Variants in GLCCI1 observed in about 807,000 individuals in gnomAD.
GLCCI1 encodes the protein glucocorticoid induced 1.
Under a neutral mutation model 52.2 loss-of-function variants are expected in GLCCI1, and 24 were observed. The ratio of observed to expected loss-of-function variants is 0.46; its 90% CI spans 0.33 to 0.65. The LOEUF is 0.65. Among genes scored for constraint, GLCCI1 ranks in the 30% least tolerant of loss-of-function variants. GLCCI1 has a pLI of 0.02. For synonymous variants in GLCCI1, 310 were observed against 276.5 expected, an observed-to-expected ratio of 1.12 and a Z score of -1.20; for missense variants, 704 against 701.5, an observed-to-expected ratio of 1.00 and a Z score of -0.04.
chr7:8,064,538 C>T (rs1173384121), intron 5 of GLCCI1, among the ~76,000 whole-genome samples: 1 of 152,082 alleles, frequency 6.6e-6, no homozygotes, highest in Non-Finnish European at 1.5e-5. Context: ...TCATGTGATG[C>T]CTCTAGCTGT....
chr7:7,986,787 A>G (rs764687769), intron 1 of GLCCI1, among the ~76,000 whole-genome samples: 1 of 152,166 alleles, frequency 6.6e-6, no homozygotes, highest in Non-Finnish European at 1.5e-5. Context: ...TATGGTTAAG[A>G]GATATTCAGA....
intron 2 of GLCCI1, among the ~76,000 whole-genome samples, chr7:8,022,111 T>A (rs116360050): frequency 0.021 from 3,153 of 152,310 alleles, 110 homozygotes; most frequent in African/African-American, 0.071. Flanking sequence ...GAGATACTTT[T>A]GTTCATTTTA....
At chr7:7,974,373 T>C (rs1039885533) in intron 1 of GLCCI1, among the ~76,000 whole-genome samples, 1 of 152,162 alleles carries the variant, frequency 6.6e-6, no homozygotes, top group Non-Finnish European at 1.5e-5. Flanking sequence ...TCTTAATCAG[T>C]TTTTAACTGT....
chr7:8,048,334 T>C (rs1470128471), intron 3 of GLCCI1, among the ~76,000 whole-genome samples: 2 of 152,104 alleles, frequency 1.3e-5, no homozygotes, highest in Non-Finnish European at 1.5e-5. Flanking sequence ...GTGGCCCTCT[T>C]AAGAAGGACC....
chr7:8,078,295 T>C (rs186581784), intron 6 of GLCCI1, among the ~76,000 whole-genome samples: 1 of 151,878 alleles, frequency 6.6e-6, no homozygotes, highest in East Asian at 1.9e-4. Context: ...GGAAAGATCT[T>C]TTGTCAGCTA....
intron 3 of GLCCI1, chr7:8,024,707 TTCC>T (rs1444849486): frequency 6.6e-6 from 1 of 152,252 alleles, no homozygotes; most frequent in Non-Finnish European, 1.5e-5. Flanking sequence ...TTTGATTGTT[TTCC>T]ACAGAAGGCA....
At chr7:7,981,101 A>G in intron 1 of GLCCI1, 1 of 467,548 alleles carries the variant, frequency 2.1e-6, no homozygotes, top group South Asian at 1.6e-5. Flanking sequence ...GCAGATATTA[A>G]ACCTCCGGAA....
intron 3 of GLCCI1, among the ~76,000 whole-genome samples, chr7:8,043,265 C>G (rs1782042897): frequency 6.6e-6 from 1 of 150,778 alleles, no homozygotes; most frequent in Non-Finnish European, 1.5e-5. Flanking sequence ...TTTTTTATTT[C>G]TTGTGGTGGT....
intron 3 of GLCCI1, among the ~76,000 whole-genome samples, chr7:8,024,245 T>TA (rs1781565441): frequency 6.6e-6 from 1 of 152,228 alleles, no homozygotes; most frequent in Non-Finnish European, 1.5e-5. Context: ...AGCATGATTT[T>TA]ACTTATGATT....
At position 7,998,176 on chromosome 7, in the gene GLCCI1, G is replaced by GT. The variant is rs71014742; in HGVS notation, c.458-5717dup. ...CATTTTTGAGGAGGTAGTTTTTTTT[G>GT]TTTTTTTTTTTTTTTGTTGTTGTTG... On this transcript the variant is annotated intron_variant, in intron 1 of 7. Coordinates refer to ENST00000223145, the MANE Select transcript of GLCCI1 (RefSeq NM_138426.4). 2.1e-3 allele frequency among the ~76,000 whole-genome samples: 306 copies of GT among 143,712 alleles called. 1 individual carries two copies. Among genetic ancestry groups the GT allele is most frequent in the African/African-American group, 3.9e-3 (156 of 39,792 alleles). 94.3% of individuals were successfully genotyped at this position (143,712 alleles called of 152,430 possible).
chr7:7,998,020 CT>C (rs1780969956), intron 1 of GLCCI1, among the ~76,000 whole-genome samples: 1 of 151,548 alleles, frequency 6.6e-6, no homozygotes, highest in African/African-American at 2.4e-5. Flanking sequence ...AATTTTCAGA[CT>C]TAGGGTTAAA....
At chr7:8,028,726 GA>G (rs35831242) in intron 3 of GLCCI1, among the ~76,000 whole-genome samples, 16,402 of 149,642 alleles carry the variant, frequency 0.11, 1,204 homozygotes, top group African/African-American at 0.2. Flanking sequence ...AGGTAACCAA[GA>G]AAAAAAAAGA....
intron 1 of GLCCI1, 72 bp from the exon 2 acceptor site, chr7:8,003,836 A>G: frequency 1.5e-6 from 2 of 1,361,380 alleles, no homozygotes; most frequent in Admixed American, 4.1e-5. Context: ...ACATTCTACA[A>G]ACTATGAAGT....
chr7:8,037,640 T>A (rs138573839), intron 3 of GLCCI1, among the ~76,000 whole-genome samples: 1 of 152,174 alleles, frequency 6.6e-6, no homozygotes, highest in Admixed American at 6.5e-5. Context: ...CATATCTTGC[T>A]TACAAGAAAT....
At chr7:8,019,814 G>A (rs971069259) in intron 2 of GLCCI1, among the ~76,000 whole-genome samples, 3 of 152,212 alleles carry the variant, frequency 2.0e-5, no homozygotes, top group African/African-American at 7.2e-5. Context: ...ATACATAAAG[G>A]TAGAAAATGA....
At chr7:8,067,951 G>A (rs1054082453) in intron 5 of GLCCI1, among the ~76,000 whole-genome samples, 22 of 152,162 alleles carry the variant, frequency 1.4e-4, no homozygotes, top group African/African-American at 5.3e-4. Flanking sequence ...TGGTTTCTAA[G>A]TTGCTTGCTT....
chr7:8,039,365 TTAAG>T (rs1412968067), intron 3 of GLCCI1, among the ~76,000 whole-genome samples: 1 of 152,140 alleles, frequency 6.6e-6, no homozygotes, highest in Non-Finnish European at 1.5e-5. Flanking sequence ...AGATAAGGAA[TTAAG>T]TGTCAATGGC....
Position 8,088,240 on chromosome 7 carries a change from T to TTGTGTGTGTGTGTGTG in GLCCI1, c.*1718_*1733dup, listed in dbSNP as rs58360790. ...AGAAATGATATATATATGTATATGT[T>TTGTGTGTGTGTGTGTG]TGTGTGTGTGTGTGTGTGTGTGTGT... On this transcript the variant is annotated 3_prime_UTR_variant, in exon 8 of 8. Coordinates refer to ENST00000223145, the MANE Select transcript of GLCCI1 (RefSeq NM_138426.4). The TTGTGTGTGTGTGTGTG allele has an allele frequency of 2.7e-5, 4 of 147,466 alleles. No homozygotes were observed. The South Asian group carries it at 6.6e-4, about 24-fold the overall frequency. The allele number at this position is 147,466 out of a possible 1,614,324, so 9.1% of individuals were successfully genotyped here. A position where few individuals can be genotyped will look rare whatever the true frequency, so the allele number is the denominator to read the frequency against.
chr7:8,018,834 C>A (rs1027945201), intron 2 of GLCCI1, among the ~76,000 whole-genome samples: 1 of 152,020 alleles, frequency 6.6e-6, no homozygotes, highest in African/African-American at 2.4e-5. Flanking sequence ...ACTGTGGAAC[C>A]CTTTTTGTCT....
Sources: gnomAD v4.1 joint callset for allele counts (sites outside exome capture counted in the v4.1 genomes callset) on GRCh38, gnomAD v4.1.1 for gene constraint, MANE v1.5 for transcripts, NCBI Gene and HGNC (gene_info 2026-07-23, HGNC 2026-07-21) for gene names.